CLEC9A: variants seen among roughly 807,000 people sequenced by gnomAD.
CLEC9A encodes C-type lectin domain containing 9A, also known as C-type lectin domain family 9 member A.
A neutral mutation model predicts 30.0 loss-of-function variants in CLEC9A; 24 were observed. The ratio of observed to expected loss-of-function variants is 0.80; its 90% CI spans 0.58 to 1.13. The LOEUF (loss-of-function observed/expected upper bound fraction) is 1.13, where lower values mean the gene tolerates loss of function less well. Among genes scored for constraint, CLEC9A ranks in the 50% most tolerant of loss-of-function variants. The pLI, the probability that CLEC9A is intolerant of heterozygous loss-of-function variation, is 0.00. For synonymous variants in CLEC9A, 111 were observed against 96.8 expected (o/e 1.15, Z -0.86); for missense variants, 251 against 280.9 (o/e 0.89, Z 0.76).
chr12:10,047,089 C>A (rs920345325), intron 2 of CLEC9A, among the ~76,000 whole-genome samples: 1 of 152,074 alleles, frequency 6.6e-6, no homozygotes, highest in Non-Finnish European at 1.5e-5. Context: ...TATCAATAAA[C>A]AAGCAGATTT....
chr12:10,049,500 C>T (rs1287300036), intron 2 of CLEC9A, among the ~76,000 whole-genome samples: 1 of 152,204 alleles, frequency 6.6e-6, no homozygotes, highest in Non-Finnish European at 1.5e-5. Context: ...TTTAATGTAG[C>T]AACCTTCAAT....
intron 2 of CLEC9A, among the ~76,000 whole-genome samples, chr12:10,044,287 C>T (rs1865826129): frequency 6.6e-6 from 1 of 152,188 alleles, no homozygotes; most frequent in Non-Finnish European, 1.5e-5. Context: ...ACTGCAGTCT[C>T]TCTCCAATTA....
intron 2 of CLEC9A, among the ~76,000 whole-genome samples, chr12:10,043,670 GTATA>G (rs60284724): frequency 0.42 from 60,889 of 145,748 alleles, 13,516 homozygotes; most frequent in East Asian, 0.69. Flanking sequence ...GCATATATAT[GTATA>G]TATATATATA....
chr12:10,054,564 G>A (rs1035772733), intron 5 of CLEC9A, among the ~76,000 whole-genome samples: 4 of 152,102 alleles, frequency 2.6e-5, no homozygotes, highest in African/African-American at 9.7e-5. Context: ...CTCAAATCAT[G>A]TGCTATAGGT....
intron 6 of CLEC9A, 97 bp downstream of exon 6, chr12:10,061,370 GT>G: frequency 8.0e-7 from 1 of 1,247,780 alleles, no homozygotes; most frequent in Non-Finnish European, 1.1e-6. Context: ...CTGCAAAACT[GT>G]TAGGATTTTA....
intron 7 of CLEC9A, 44 bp from the exon 8 acceptor site, chr12:10,064,688 T>C (rs1320852837): frequency 6.4e-7 from 1 of 1,562,940 alleles, no homozygotes; most frequent in African/African-American, 1.4e-5. Flanking sequence ...TAGAGTTTTG[T>C]TTGTTTGTTT....
At chr12:10,062,015 T>C (rs997609833) in intron 6 of CLEC9A, among the ~76,000 whole-genome samples, 3 of 152,200 alleles carry the variant, frequency 2.0e-5, no homozygotes, top group African/African-American at 7.2e-5. Context: ...CCCAACCATG[T>C]TTCTCTATGC....
chr12:10,040,505 C>T (rs10845027), intron 1 of CLEC9A, among the ~76,000 whole-genome samples: 4,492 of 149,404 alleles, frequency 0.03, 188 homozygotes, highest in East Asian at 0.19. Flanking sequence ...GGCTGGAGTG[C>T]GGTGGCGCCA....
rs944078471 is a variant in CLEC9A, at chr12:10,065,673, G to T, written c.*41G>T. The stretch of plus-strand genomic sequence containing the variant: ...AAGTGTTCTATTACACTGTTATTTG[G>T]AGCATGCCATTGGAAAACCCACCCC... On this transcript the variant is annotated 3_prime_UTR_variant, in exon 9 of 9. Transcript: ENST00000355819. 6.2e-7 allele frequency: 1 copy of T among 1,600,316 alleles called. No individual in the cohort carries two copies. The highest frequency in any genetic ancestry group is 1.7e-5 in the Admixed American group (1 of 58,604).
chr12:10,045,654 C>T (rs1053485529), intron 2 of CLEC9A: 6 of 237,346 alleles, frequency 2.5e-5, no homozygotes, highest in Non-Finnish European at 5.5e-5. Flanking sequence ...CAGGATATCA[C>T]AGATAAGGGC....
chr12:10,064,596 A>G, intron 7 of CLEC9A, 136 bp from the exon 8 acceptor site: 2 of 898,578 alleles, frequency 2.2e-6, no homozygotes, highest in South Asian at 2.1e-5. Flanking sequence ...GCACTTTTTT[A>G]TAATACTCCC....
chr12:10,063,743 G>T (rs1005791792), intron 7 of CLEC9A, among the ~76,000 whole-genome samples: 5 of 152,122 alleles, frequency 3.3e-5, no homozygotes, highest in African/African-American at 9.7e-5. Context: ...AGGCTGGGCG[G>T]GGTGGCTCAC....
intron 2 of CLEC9A, among the ~76,000 whole-genome samples, chr12:10,048,239 CAAAA>C (rs34010283): frequency 1.5e-5 from 2 of 130,724 alleles, no homozygotes; most frequent in Admixed American, 7.7e-5. Flanking sequence ...GACTCCGTCT[CAAAA>C]AAAAAAAAAA....
At chr12:10,063,581 C>T (rs541647377) in intron 7 of CLEC9A, among the ~76,000 whole-genome samples, 13 of 152,114 alleles carry the variant, frequency 8.5e-5, no homozygotes, top group African/African-American at 2.9e-4. Flanking sequence ...ATATAGTAAC[C>T]TATAATAATC....
Position 10,065,563 on chromosome 12 carries a change from T to C in CLEC9A, c.657T>C (p.Leu219=), listed in dbSNP as rs1185276110. The change falls in exon 9 of 9, where the codon CTT becomes CTC. Residue 219 remains leucine, a synonymous_variant. Transcript: ENST00000355819. The stretch of plus-strand genomic sequence containing the variant: ...GTGGATACGTGAAAAGCAATTCCCT[T>C]CTTTCGTCTAACTGCAGCACGTGGA... ...QVCGYVKSNS[L]LSSNCSTWKY... is the part of the protein sequence containing the mutation. 1.2e-6 allele frequency: 2 copies of C among 1,613,878 alleles called. No homozygotes were observed. The highest frequency in any genetic ancestry group is 3.3e-5 in the Admixed American group (2 of 59,978).
At chr12:10,054,425 A>G in intron 5 of CLEC9A, 74 bp downstream of exon 5, 1 of 961,254 alleles carries the variant, frequency 1.0e-6, no homozygotes, top group South Asian at 1.5e-5. Context: ...AATGGATGGA[A>G]AATCAATTCA....
chr12:10,040,587 A>T (rs1865785684), intron 1 of CLEC9A, among the ~76,000 whole-genome samples: 1 of 151,430 alleles, frequency 6.6e-6, no homozygotes, highest in East Asian at 2.0e-4. Context: ...AGTAGCGGGG[A>T]CTACAGGCGC....
intron 2 of CLEC9A, among the ~76,000 whole-genome samples, chr12:10,043,548 A>G (rs1244663060): frequency 6.6e-6 from 1 of 151,776 alleles, no homozygotes; most frequent in Non-Finnish European, 1.5e-5. Context: ...TCTAAGCCAC[A>G]ACCCATTTTT....
At chr12:10,056,907 G>T (rs574012400) in intron 5 of CLEC9A, among the ~76,000 whole-genome samples, 1 of 151,916 alleles carries the variant, frequency 6.6e-6, no homozygotes, top group Admixed American at 6.6e-5. Flanking sequence ...TTTGTCTTAC[G>T]AGCTAAAAAT....
Sources: gnomAD v4.1 joint callset for allele counts (sites outside exome capture counted in the v4.1 genomes callset) on GRCh38, gnomAD v4.1.1 for gene constraint, MANE v1.5 for transcripts, NCBI Gene and HGNC (gene_info 2026-07-23, HGNC 2026-07-21) for gene names.